FGFR2: variants seen among roughly 807,000 people sequenced by gnomAD.
The protein encoded by FGFR2 is fibroblast growth factor receptor 2, also known as BEK fibroblast growth factor receptor.
In FGFR2, 19 loss-of-function variants were observed where a neutral mutation model predicts 95.9. The observed-to-expected ratio is 0.20, with a 90% confidence interval of 0.14 to 0.29. The LOEUF (loss-of-function observed/expected upper bound fraction) is 0.29. FGFR2 is among the 10% of genes least tolerant of loss of function. The probability of loss-of-function intolerance (pLI) is 1.00; values close to 1 mark genes in which losing one functional copy is unlikely to be tolerated. For synonymous variants in FGFR2, 392 were observed against 393.3 expected, an observed-to-expected ratio of 1.00 and a Z score of 0.04; for missense variants, 707 against 1,056.9, an observed-to-expected ratio of 0.67 and a Z score of 4.59.
chr10:121,583,842 C>T (rs1861346580), intron 2 of FGFR2, among the ~76,000 whole-genome samples: 1 of 151,972 alleles, frequency 6.6e-6, no homozygotes, highest in Non-Finnish European at 1.5e-5. Flanking sequence ...GGCCCACACT[C>T]ACTAATGATG....
At chr10:121,550,702 T>C (rs1042529738) in intron 5 of FGFR2, among the ~76,000 whole-genome samples, 3 of 152,162 alleles carry the variant, frequency 2.0e-5, no homozygotes, top group Non-Finnish European at 2.9e-5. Flanking sequence ...TTATACACTA[T>C]AAAGCATATA....
At position 121,479,564 on chromosome 10, in the gene FGFR2, C is replaced by T. The variant is rs544250610; in HGVS notation, c.*293G>A. 1 of 1,534,942 alleles carries T rather than the reference C, an allele frequency of 6.5e-7. No individual in the cohort carries two copies. The highest frequency in any genetic ancestry group is 1.4e-5 in the African/African-American group (1 of 72,478). On this transcript the variant is annotated 3_prime_UTR_variant, in exon 18 of 18. Coordinates refer to ENST00000358487, the MANE Select transcript of FGFR2 (RefSeq NM_000141.5). ...CAAAATTAACAAGGAAGGCAGAACGCACGTCCACCTTGAGTCCTACTGGTC... is the reference window on the plus strand; with the variant it reads ...CAAAATTAACAAGGAAGGCAGAACGTACGTCCACCTTGAGTCCTACTGGTC...
rs952615126 is a variant in FGFR2 at position 121,564,243 on chromosome 10, A to G, written c.454+259T>C. ...GGAGAAGTCAAAGGGAAAAGGGAAA[A>G]TCAAGGAAAGAAAAGTAGTAACTGC... On this transcript the variant is annotated intron_variant, in intron 4 of 17. Transcript: ENST00000358487. 9 of 535,554 alleles carry G rather than the reference A, an allele frequency of 1.7e-5. No individual in the cohort carries two copies. In the African/African-American group the frequency reaches 1.7e-4, roughly 10 times the overall value. The allele number at this position is 535,554 out of a possible 1,614,324, so 33.2% of individuals were successfully genotyped here.
Position 121,582,710 on chromosome 10 carries a change from G to A in FGFR2, c.109+10999C>T, listed in dbSNP as rs949800847. ...AGGCAGGAGAATCGCTTGAACCCGC[G>A]AGGCAGAGGTTGCAGTGATCCAAGA... On this transcript the variant is annotated intron_variant, in intron 2 of 17. Coordinates refer to ENST00000358487, the MANE Select transcript of FGFR2 (RefSeq NM_000141.5). Among the ~76,000 whole-genome samples the A allele has an allele frequency of 7.2e-5, 11 of 152,128 alleles. No individual in the cohort carries two copies. In the South Asian group the frequency reaches 1.2e-3, roughly 17 times the overall value.
At chr10:121,542,102 T>C (rs1434501554) in intron 5 of FGFR2, among the ~76,000 whole-genome samples, 1 of 152,224 alleles carries the variant, frequency 6.6e-6, no homozygotes, top group African/African-American at 2.4e-5. Context: ...TGAAGTATTA[T>C]GTTCAGACCT....
chr10:121,577,449 A>T (rs1045499511), intron 2 of FGFR2, among the ~76,000 whole-genome samples: 1 of 152,044 alleles, frequency 6.6e-6, no homozygotes, highest in African/African-American at 2.4e-5. Flanking sequence ...GAAGGTCAGG[A>T]AATGAGAGAG....
rs1849789698 is a variant in FGFR2, at chr10:121,517,151, T to C, written c.1084+168A>G. 2 of 739,070 alleles carry C rather than the reference T, an allele frequency of 2.7e-6. No individual in the cohort carries two copies. The highest frequency in any genetic ancestry group is 2.7e-5 in the East Asian group (1 of 36,918). 45.8% of individuals were successfully genotyped at this position (739,070 alleles called of 1,614,324 possible). Reference sequence around the variant, plus strand: ...AATGTGAGTGTGGGATCTCACTGTGTGTGAATTTCCAAGGCAGTTTTCTTA... The same window carrying C: ...AATGTGAGTGTGGGATCTCACTGTGCGTGAATTTCCAAGGCAGTTTTCTTA... On this transcript the variant is annotated intron_variant, in intron 8 of 17. Coordinates refer to ENST00000358487, the MANE Select transcript of FGFR2 (RefSeq NM_000141.5). The surrounding 1 kb of genome is among the most constrained non-coding windows in gnomAD (Gnocchi z 4.7).
intron 10 of FGFR2, 145 bp downstream of exon 10, chr10:121,503,645 G>T: frequency 1.1e-6 from 1 of 884,120 alleles, no homozygotes; most frequent in Non-Finnish European, 1.8e-6. Flanking sequence ...CCAGGAGTTG[G>T]TTATTTAGAA....
Position 121,593,905 on chromosome 10 carries a change from G to C in FGFR2, c.-88C>G. On this transcript the variant is annotated 5_prime_UTR_variant, in exon 2 of 18. Coordinates refer to ENST00000358487, the MANE Select transcript of FGFR2 (RefSeq NM_000141.5). ...CACTTCCTCTACGGGCATGGACTAC[G>C]CGCAATGCCTTCAGCCTGCGGTGGG... The C allele has an allele frequency of 8.2e-7, 1 of 1,218,746 alleles. No individual in the cohort carries two copies. Among genetic ancestry groups the C allele is most frequent in the Non-Finnish European group, 1.2e-6 (1 of 823,346 alleles). 75.5% of individuals were successfully genotyped at this position (1,218,746 alleles called of 1,614,324 possible).
intron 17 of FGFR2, chr10:121,481,702 T>C (rs147693080): frequency 4.4e-6 from 1 of 228,788 alleles, no homozygotes. Flanking sequence ...TTTTTTATTT[T>C]AGGGTACTAG....
intron 10 of FGFR2, 76 bp downstream of exon 10, chr10:121,503,714 A>G: frequency 6.4e-7 from 1 of 1,564,638 alleles, no homozygotes. Flanking sequence ...AAGGGTCATA[A>G]AAAGAAAATG....
At chr10:121,594,309 G>A (rs1397350893) in intron 1 of FGFR2, among the ~76,000 whole-genome samples, 4 of 152,186 alleles carry the variant, frequency 2.6e-5, no homozygotes, top group East Asian at 1.9e-4. Flanking sequence ...CAGAAGCAAC[G>A]TGACCTTAGT....
rs966805990 is a variant in FGFR2 at position 121,480,009 on chromosome 10, G to A, written c.2314C>T (p.Leu772Phe). ...GAATACTGTTCGAGAGGTTGGCTGA[G>A]GTCCAAGTATTCCTGAAAGAAGGGA... is the stretch of plus-strand genomic sequence containing the variant. The part of the protein sequence containing the change: ...TLTTNEEYLD[L>F]SQPLEQYSPS... Residue 772 changes from leucine (L) to phenylalanine (F), a missense_variant, in exon 18 of 18, where the codon CTC becomes TTC. Coordinates refer to ENST00000358487, the MANE Select transcript of FGFR2 (RefSeq NM_000141.5). The A allele has an allele frequency of 6.2e-7, 1 of 1,614,010 alleles. No individual in the cohort carries two copies. The highest frequency in any genetic ancestry group is 8.5e-7 in the Non-Finnish European group (1 of 1,179,986).
chr10:121,563,130 C>T (rs374633698), intron 4 of FGFR2, among the ~76,000 whole-genome samples: 7 of 152,136 alleles, frequency 4.6e-5, no homozygotes, highest in African/African-American at 1.7e-4. Flanking sequence ...AGTCTCAGCA[C>T]TTTGGGAGGC....
rs2135115027 is a variant in FGFR2, at chr10:121,565,528, C to T, written c.286G>A (p.Gly96Ser). ...AGGCCGGAGTCTCTAGGCGTGGCGC[C>T]CTTTATCTGCAAGTACTCCCCAATA... The part of the protein sequence containing the change: ...VLIGEYLQIK[G>S]ATPRDSGLYA... Residue 96 changes from glycine (G) to serine (S), a missense_variant, in exon 3 of 18, where the codon GGC becomes AGC. Physicochemically the swap from Gly to Ser is moderately conservative, Grantham distance 56. Coordinates refer to ENST00000358487, the MANE Select transcript of FGFR2 (RefSeq NM_000141.5). 1 of 1,614,200 alleles carries T rather than the reference C, an allele frequency of 6.2e-7. No individual in the cohort carries two copies. Among genetic ancestry groups the T allele is most frequent in the Non-Finnish European group, 8.5e-7 (1 of 1,180,036 alleles).
intron 13 of FGFR2, among the ~76,000 whole-genome samples, chr10:121,495,073 G>C (rs1201535041): frequency 6.6e-6 from 1 of 152,094 alleles, no homozygotes; most frequent in African/African-American, 2.4e-5. Context: ...ATTTGGAAGC[G>C]ATATCTTGTC....
intron 2 of FGFR2, among the ~76,000 whole-genome samples, chr10:121,579,984 A>T (rs1860571068): frequency 6.6e-6 from 1 of 152,126 alleles, no homozygotes; most frequent in Admixed American, 6.5e-5. Context: ...CCTGATATTG[A>T]TGTAAACATT....
At chr10:121,560,615 CAAAAAAAAAAA>C (rs34753296) in intron 4 of FGFR2, among the ~76,000 whole-genome samples, 9 of 51,794 alleles carry the variant, frequency 1.7e-4, no homozygotes, top group Non-Finnish European at 2.2e-4. Flanking sequence ...ACTCCGTCCC[CAAAAAAAAAAA>C]AAAAAAAAAA....
At chr10:121,501,938 G>A (rs537335118) in intron 10 of FGFR2, among the ~76,000 whole-genome samples, 1 of 152,268 alleles carries the variant, frequency 6.6e-6, no homozygotes, top group Admixed American at 6.5e-5. Context: ...TATAACTTCT[G>A]CCTCCGATCT....
Sources: gnomAD v4.1 joint callset for allele counts (sites outside exome capture counted in the v4.1 genomes callset) on GRCh38, gnomAD v4.1.1 for gene constraint, Gnocchi (gnomAD v3.1) non-coding constraint, MANE v1.5 for transcripts, NCBI Gene and HGNC (gene_info 2026-07-23, HGNC 2026-07-21) for gene names.